The following ALK variants were observed in gnomAD, a reference collection of about 807,000 sequenced individuals.
The protein encoded by ALK is ALK tyrosine kinase receptor.
A neutral mutation model predicts 163.1 loss-of-function variants in ALK; 74 were observed. That is an observed-to-expected ratio of 0.45 (90% confidence interval 0.38 to 0.55). ALK has a LOEUF of 0.55. Ranked by LOEUF, ALK falls within the 20% of genes least tolerant of loss-of-function variation. ALK has a pLI of 0.00. For synonymous variants in ALK, 960 were observed against 843.2 expected (o/e 1.14, Z -2.40); for missense variants, 2,063 against 2,105.3 (o/e 0.98, Z 0.39).
At chr2:29,228,361 A>G (rs1000111646) in intron 16 of ALK, among the ~76,000 whole-genome samples, 41 of 152,222 alleles carry the variant, frequency 2.7e-4, no homozygotes, top group Non-Finnish European at 4.4e-4. Context: ...TCTGAAGCCC[A>G]GACGAGGCAG....
At chr2:29,469,836 T>G (rs549536156) in intron 4 of ALK, among the ~76,000 whole-genome samples, 3 of 152,170 alleles carry the variant, frequency 2.0e-5, no homozygotes, top group Middle Eastern at 3.4e-3. Flanking sequence ...AACAACAACC[T>G]TTAGAGCTTC....
In ALK at chr2:29,453,217, T is replaced by C. The variant is rs568708902; in HGVS notation, c.1155-69358A>G. Among the ~76,000 whole-genome samples the C allele has an allele frequency of 2.0e-5, 3 of 152,232 alleles. No homozygotes were observed. The South Asian group carries it at 6.2e-4, about 32-fold the overall frequency. On this transcript the variant is annotated intron_variant, in intron 4 of 28. Coordinates refer to ENST00000389048, the MANE Select transcript of ALK (RefSeq NM_004304.5). ...ACTGTTTTTGCAACTCTTATTTAAA[T>C]ATCAAACTATCTCAAAACAATTCTT...
chr2:29,753,375 G>T (rs1205843994), intron 1 of ALK, among the ~76,000 whole-genome samples: 4 of 152,142 alleles, frequency 2.6e-5, no homozygotes, highest in Admixed American at 2.6e-4. Context: ...GTAAGTTACG[G>T]GGGGGAGCAC....
At chr2:29,781,201 C>T (rs1207878044) in intron 1 of ALK, among the ~76,000 whole-genome samples, 4 of 152,214 alleles carry the variant, frequency 2.6e-5, no homozygotes, top group African/African-American at 9.7e-5. Flanking sequence ...GGCTGCTCAA[C>T]ATCTGTCAGG....
intron 4 of ALK, among the ~76,000 whole-genome samples, chr2:29,456,982 A>G (rs1055925251): frequency 3.3e-5 from 5 of 152,188 alleles, no homozygotes; most frequent in Non-Finnish European, 5.9e-5. Context: ...CTGCAAGATG[A>G]CCACACTCAA....
intron 1 of ALK, among the ~76,000 whole-genome samples, chr2:29,870,536 G>C (rs1005171506): frequency 1.3e-5 from 2 of 152,126 alleles, no homozygotes; most frequent in African/African-American, 2.4e-5. Context: ...TGGGGACATA[G>C]AGCCAAACCA....
chr2:29,215,390 G>A (rs981423866), intron 23 of ALK, among the ~76,000 whole-genome samples: 1 of 152,222 alleles, frequency 6.6e-6, no homozygotes, highest in East Asian at 1.9e-4. Context: ...TGCTTCTCTA[G>A]GCCGTGCTTC....
At chr2:29,223,257 T>C in intron 20 of ALK, 85 bp downstream of exon 20, 1 of 1,492,320 alleles carries the variant, frequency 6.7e-7, no homozygotes, top group Non-Finnish European at 9.2e-7. Flanking sequence ...CGGCCTTTTG[T>C]GGCTAGAGGA....
chr2:29,790,847 G>T (rs922461842), intron 1 of ALK, among the ~76,000 whole-genome samples: 1 of 152,186 alleles, frequency 6.6e-6, no homozygotes, highest in South Asian at 2.1e-4. Context: ...TCCTCCCAGA[G>T]TGCTGGAATT....
chr2:29,569,033 G>A (rs1227668107), intron 3 of ALK, among the ~76,000 whole-genome samples: 2 of 152,124 alleles, frequency 1.3e-5, no homozygotes, highest in East Asian at 3.9e-4. Context: ...CAGTACCCCT[G>A]TTTCCATCCA....
chr2:29,657,280 C>T (rs1467177137), intron 3 of ALK, among the ~76,000 whole-genome samples: 16 of 152,132 alleles, frequency 1.1e-4, no homozygotes, highest in South Asian at 4.1e-4. Flanking sequence ...AGAAAGACCA[C>T]TTGACTCAGA....
chr2:29,784,134 T>C (rs1019471469), intron 1 of ALK, among the ~76,000 whole-genome samples: 2 of 149,462 alleles, frequency 1.3e-5, no homozygotes, highest in African/African-American at 4.9e-5. Context: ...AAGAAAGAAA[T>C]GAGGGAGCAA....
intron 3 of ALK, among the ~76,000 whole-genome samples, chr2:29,670,896 G>T (rs762291496): frequency 6.6e-6 from 1 of 151,910 alleles, no homozygotes. Flanking sequence ...ATAAACTTTT[G>T]ATTTGCTTTT....
intron 4 of ALK, among the ~76,000 whole-genome samples, chr2:29,402,824 G>A (rs1669480352): frequency 1.3e-5 from 2 of 152,144 alleles, no homozygotes; most frequent in Non-Finnish European, 2.9e-5. Context: ...TCGCCAAGCA[G>A]CTCCAGCACA....
chr2:29,339,319 C>T (rs1393883933), intron 5 of ALK, among the ~76,000 whole-genome samples: 1 of 151,518 alleles, frequency 6.6e-6, no homozygotes, highest in Non-Finnish European at 1.5e-5. Flanking sequence ...AGAGAATCAG[C>T]CATGAAAAAG....
Position 29,596,718 on chromosome 2 carries a change from A to G in ALK, c.953-64602T>C, listed in dbSNP as rs879899108. On this transcript the variant is annotated intron_variant, in intron 3 of 28. Coordinates refer to ENST00000389048, the MANE Select transcript of ALK (RefSeq NM_004304.5). ...TGGAAGCAAAATAGCCTTTGATAAA[A>G]TAGACTCTACAAGAGCGTTGGCATG... is the stretch of plus-strand genomic sequence containing the variant. 9.2e-5 allele frequency among the ~76,000 whole-genome samples: 14 copies of G among 152,192 alleles called. No homozygotes were observed. The South Asian group carries it at 1.0e-3, about 11-fold the overall frequency.
At position 29,920,665 on chromosome 2, in the gene ALK, C is replaced by T. The variant is rs778056023; in HGVS notation, c.-6G>A. Reference sequence around the variant, plus strand: ...AGGAGCCCGATGGCTCCCATCCCGCCGGAGGAGGCCGTTTACACTGCTCTC... The same window carrying T: ...AGGAGCCCGATGGCTCCCATCCCGCTGGAGGAGGCCGTTTACACTGCTCTC... On this transcript the variant is annotated 5_prime_UTR_variant, in exon 1 of 29. Transcript: ENST00000389048. 1.4e-5 allele frequency: 22 copies of T among 1,534,380 alleles called. No individual in the cohort carries two copies. Among genetic ancestry groups the T allele is most frequent in the African/African-American group, 1.4e-5 (1 of 73,028 alleles).
intron 9 of ALK, among the ~76,000 whole-genome samples, chr2:29,291,247 C>G (rs1388182992): frequency 1.3e-5 from 2 of 151,822 alleles, no homozygotes; most frequent in Admixed American, 1.3e-4. Context: ...GCCTGTAGTT[C>G]TAGCTACTAG....
rs1333793169 is a variant in ALK, at chr2:29,216,606, T to C, written c.3646-2525A>G. Among the ~76,000 whole-genome samples the C allele has an allele frequency of 1.3e-5, 2 of 152,018 alleles. 1 individual carries two copies. Among genetic ancestry groups the C allele is most frequent in the Non-Finnish European group, 2.9e-5 (2 of 67,990 alleles). Reference sequence around the variant, plus strand: ...AGCGTGGGTTATGGGGGGTGTCTGGTGTGTACGTGTCTGTGGTGTGCGTGT... The same window carrying C: ...AGCGTGGGTTATGGGGGGTGTCTGGCGTGTACGTGTCTGTGGTGTGCGTGT... On this transcript the variant is annotated intron_variant, in intron 23 of 28. Coordinates refer to ENST00000389048, the MANE Select transcript of ALK (RefSeq NM_004304.5).
Sources: allele counts gnomAD v4.1 joint callset (sites outside exome capture counted in the v4.1 genomes callset), GRCh38; gene constraint gnomAD v4.1.1; transcripts MANE v1.5; gene names NCBI Gene and HGNC (gene_info 2026-07-23, HGNC 2026-07-21).